TFCP2: variants seen among roughly 807,000 people sequenced by gnomAD.
The protein encoded by TFCP2 is alpha-globin transcription factor CP2.
Under a neutral mutation model 73.4 loss-of-function variants are expected in TFCP2, and 33 were observed. The observed-to-expected ratio is 0.45, with a 90% CI of 0.34 to 0.60. The LOEUF is 0.60. TFCP2 is among the 20% of genes least tolerant of loss of function. The pLI, the probability that TFCP2 is intolerant of heterozygous loss-of-function variation, is 0.01. For synonymous variants in TFCP2, 193 were observed against 211.6 expected (o/e 0.91, Z 0.76); for missense variants, 352 against 604.0 (o/e 0.58, Z 4.37).
At chr12:51,108,323 C>T (rs1000765972) in intron 6 of TFCP2, among the ~76,000 whole-genome samples, 3 of 150,860 alleles carry the variant, frequency 2.0e-5, no homozygotes, top group Non-Finnish European at 3.0e-5. Flanking sequence ...AGAACACATA[C>T]GAAATTATGA....
intron 3 of TFCP2, among the ~76,000 whole-genome samples, chr12:51,116,791 A>AT (rs1215022687): frequency 6.6e-6 from 1 of 151,846 alleles, no homozygotes; most frequent in Non-Finnish European, 1.5e-5. Context: ...CTAATTTTGT[A>AT]TTTTTTGTAG....
At chr12:51,114,217 T>C (rs917178977) in intron 4 of TFCP2, among the ~76,000 whole-genome samples, 1 of 152,170 alleles carries the variant, frequency 6.6e-6, no homozygotes, top group Non-Finnish European at 1.5e-5. Flanking sequence ...ATCCAGAATA[T>C]TTTAAAAATT....
chr12:51,149,448 C>G (rs2640511), intron 1 of TFCP2, among the ~76,000 whole-genome samples: 82,709 of 151,816 alleles, frequency 0.54, 24,299 homozygotes, highest in Non-Finnish European at 0.66. Context: ...AATGGCAGCA[C>G]TGCTGCTTTG....
intron 1 of TFCP2, among the ~76,000 whole-genome samples, chr12:51,157,258 G>C (rs1279959162): frequency 6.6e-6 from 1 of 151,994 alleles, no homozygotes; most frequent in Non-Finnish European, 1.5e-5. Context: ...CTGACCTCAA[G>C]TGATCCGCCC....
intron 1 of TFCP2, among the ~76,000 whole-genome samples, chr12:51,122,122 TA>T (rs1199550547): frequency 2.6e-5 from 4 of 152,058 alleles, no homozygotes; most frequent in Non-Finnish European, 4.4e-5. Flanking sequence ...GCATGAACAC[TA>T]AAAAACAGAG....
chr12:51,164,781 G>C (rs1368483879), intron 1 of TFCP2, among the ~76,000 whole-genome samples: 1 of 151,806 alleles, frequency 6.6e-6, no homozygotes, highest in Non-Finnish European at 1.5e-5. Flanking sequence ...AGATAATTTA[G>C]ATAAAAGAGA....
In TFCP2 at chr12:51,172,600, C is replaced by T. The variant is rs2097733080; in HGVS notation, c.-178G>A. On this transcript the variant is annotated 5_prime_UTR_variant, in exon 1 of 15. Transcript: ENST00000257915. ...CTCTGTGCACAACTAATCTCCCGTA[C>T]CCTTGGCTGCTCGTTCTTGGCTGCC... 1 of 751,692 alleles carries T rather than the reference C, an allele frequency of 1.3e-6. No homozygotes were observed. Among genetic ancestry groups the T allele is most frequent in the Non-Finnish European group, 2.1e-6 (1 of 486,496 alleles). 46.6% of individuals were successfully genotyped at this position (751,692 alleles called of 1,614,324 possible).
intron 1 of TFCP2, among the ~76,000 whole-genome samples, chr12:51,131,622 C>T (rs1442695737): frequency 6.6e-6 from 1 of 152,102 alleles, no homozygotes; most frequent in African/African-American, 2.4e-5. Context: ...TGTCTATGAA[C>T]AAGCTGAGTA....
At chr12:51,128,498 A>AAAAAAAAAAC (rs1555253519) in intron 1 of TFCP2, among the ~76,000 whole-genome samples, 1 of 149,034 alleles carries the variant, frequency 6.7e-6, no homozygotes, top group Non-Finnish European at 1.5e-5. Context: ...AAAAACAAAA[A>AAAAAAAAAAC]AAACAAACTA....
At chr12:51,160,116 C>G (rs1173820794) in intron 1 of TFCP2, among the ~76,000 whole-genome samples, 1 of 150,086 alleles carries the variant, frequency 6.7e-6, no homozygotes, top group East Asian at 2.0e-4. Context: ...TTATCAACTT[C>G]CCAGAATCCT....
intron 1 of TFCP2, chr12:51,162,831 C>T (rs998096836): frequency 2.6e-5 from 4 of 152,108 alleles, no homozygotes; most frequent in African/African-American, 9.7e-5. Context: ...TTTAATTTGT[C>T]TCAATATATT....
chr12:51,129,401 T>G (rs1320218998), intron 1 of TFCP2, among the ~76,000 whole-genome samples: 1 of 151,314 alleles, frequency 6.6e-6, no homozygotes, highest in East Asian at 1.9e-4. Context: ...TAATCCCAGC[T>G]ACTCAGGAGG....
chr12:51,147,173 T>A (rs1229020591), intron 1 of TFCP2, among the ~76,000 whole-genome samples: 1 of 152,012 alleles, frequency 6.6e-6, no homozygotes, highest in Non-Finnish European at 1.5e-5. Context: ...TGAAACTCCA[T>A]CTCTACTAAA....
intron 1 of TFCP2, among the ~76,000 whole-genome samples, chr12:51,165,486 TA>T (rs1158704579): frequency 6.6e-6 from 1 of 151,690 alleles, no homozygotes; most frequent in Non-Finnish European, 1.5e-5. Context: ...GACATTATGC[TA>T]AGTGAATAAG....
intron 1 of TFCP2, among the ~76,000 whole-genome samples, chr12:51,133,351 G>A (rs1447714552): frequency 6.6e-6 from 1 of 151,816 alleles, no homozygotes; most frequent in East Asian, 2.0e-4. Flanking sequence ...TGTTGCCCAG[G>A]TGGGGTACAG....
At chr12:51,095,402 G>C in intron 14 of TFCP2, 124 bp from the exon 15 acceptor site, 1 of 992,670 alleles carries the variant, frequency 1.0e-6, no homozygotes, top group Non-Finnish European at 1.6e-6. Flanking sequence ...GCAGTGAGCT[G>C]AGATCACGCC....
chr12:51,129,863 T>C (rs1014961887), intron 1 of TFCP2, among the ~76,000 whole-genome samples: 4 of 149,334 alleles, frequency 2.7e-5, no homozygotes, highest in Admixed American at 6.7e-5. Context: ...AGCAGCTTCA[T>C]TGGGGCCAGG....
intron 1 of TFCP2, among the ~76,000 whole-genome samples, chr12:51,135,974 CT>C (rs1256434973): frequency 6.6e-6 from 1 of 151,940 alleles, no homozygotes; most frequent in Non-Finnish European, 1.5e-5. Flanking sequence ...GTTCTAGGCC[CT>C]GTTTTAGGTA....
In TFCP2 at chr12:51,172,727, C is replaced by G. The variant is rs1332679820; in HGVS notation, c.-305G>C. ...AGGCAGCTCTGGACTCCCGCACTCC[C>G]ACTCCTCTTGAGAGTTCGTAGTGGT... On this transcript the variant is annotated 5_prime_UTR_variant, in exon 1 of 15. Transcript: ENST00000257915. 3.5e-6 allele frequency: 1 copy of G among 288,964 alleles called. No individual in the cohort carries two copies. The highest frequency in any genetic ancestry group is 2.2e-5 in the African/African-American group (1 of 46,470). 17.9% of individuals were successfully genotyped at this position (288,964 alleles called of 1,614,324 possible).
Sources: gnomAD v4.1 joint callset for allele counts (sites outside exome capture counted in the v4.1 genomes callset) on GRCh38, gnomAD v4.1.1 for gene constraint, MANE v1.5 for transcripts, NCBI Gene and HGNC (gene_info 2026-07-23, HGNC 2026-07-21) for gene names.